SLC35D1: variants seen among roughly 807,000 people sequenced by gnomAD.
SLC35D1 encodes the protein solute carrier family 35 member D1.
A neutral mutation model predicts 46.7 loss-of-function variants in SLC35D1; 31 were observed. That is an observed-to-expected ratio of 0.66 (90% CI 0.50 to 0.90). The LOEUF (loss-of-function observed/expected upper bound fraction) is 0.90, where lower values mean the gene tolerates loss of function less well. Ranked by LOEUF, SLC35D1 falls within the 40% of genes least tolerant of loss-of-function variation. The pLI, the probability that SLC35D1 is intolerant of heterozygous loss-of-function variation, is 0.00. For synonymous variants in SLC35D1, 195 were observed against 164.6 expected (o/e 1.18, Z -1.41); for missense variants, 397 against 426.2 (o/e 0.93, Z 0.60).
At chr1:67,038,341 T>G (rs1316227837) in intron 8 of SLC35D1, among the ~76,000 whole-genome samples, 1 of 152,192 alleles carries the variant, frequency 6.6e-6, no homozygotes, top group African/African-American at 2.4e-5. Context: ...GGCAGACAAT[T>G]TGTGCAGCAA....
the SLC35D1 span, chr1:66,988,130 T>TA: frequency 1.6e-5 from 2 of 128,306 alleles, no homozygotes; most frequent in Non-Finnish European, 3.6e-5. Flanking sequence ...TGTAACTAAA[T>TA]ACCAAATCAG....
At chr1:67,007,102 A>T (rs1304213523) in intron 11 of SLC35D1, among the ~76,000 whole-genome samples, 1 of 152,182 alleles carries the variant, frequency 6.6e-6, no homozygotes, top group Admixed American at 6.5e-5. Context: ...CAGCCCTGAC[A>T]CTCAGAACCA....
chr1:66,978,745 ACC>A, the SLC35D1 span, among the ~76,000 whole-genome samples: 1 of 152,182 alleles, frequency 6.6e-6, no homozygotes, highest in African/African-American at 2.4e-5. Flanking sequence ...GCTGGGTCAG[ACC>A]CATGGTTCAT....
chr1:66,990,783 C>A, the SLC35D1 span, among the ~76,000 whole-genome samples: 2 of 151,972 alleles, frequency 1.3e-5, no homozygotes. Flanking sequence ...GTGGCCAGAC[C>A]CCCTTATTAA....
intron 7 of SLC35D1, among the ~76,000 whole-genome samples, chr1:67,046,654 T>C (rs151127708): frequency 1.3e-5 from 2 of 152,328 alleles, no homozygotes; most frequent in South Asian, 2.1e-4. Context: ...TGTAATCTCA[T>C]AACGTAATGT....
the SLC35D1 span, among the ~76,000 whole-genome samples, chr1:66,981,467 CTTCAG>C: frequency 2.6e-5 from 4 of 152,156 alleles, no homozygotes; most frequent in Non-Finnish European, 1.5e-5. Flanking sequence ...ACCCCTATCA[CTTCAG>C]TTAAGAGATC....
intron 10 of SLC35D1, among the ~76,000 whole-genome samples, chr1:67,013,171 C>CATATGTATATATATATATATATATA (rs1484938863): frequency 1.7e-3 from 10 of 5,856 alleles, no homozygotes; most frequent in African/African-American, 6.5e-3. Context: ...TATATATATC[C>CATATGTATATATATATATATATATA]TGTTCTTAAA....
At chr1:67,021,405 A>G in intron 9 of SLC35D1, 130 bp downstream of exon 9, 1 of 955,492 alleles carries the variant, frequency 1.0e-6, no homozygotes, top group Non-Finnish European at 1.7e-6. Context: ...AAACCACCTG[A>G]ATCTGGAGGC....
At chr1:66,998,758 G>A (rs545936470), downstream of SLC35D1, among the ~76,000 whole-genome samples, 3 of 152,270 alleles carry the variant, frequency 2.0e-5, no homozygotes, top group South Asian at 2.1e-4. Context: ...AATATGGTAC[G>A]ATTCCACTTA....
At chr1:66,996,962 C>G (rs1299321866), downstream of SLC35D1, among the ~76,000 whole-genome samples, 1 of 152,136 alleles carries the variant, frequency 6.6e-6, no homozygotes, top group Non-Finnish European at 1.5e-5. Flanking sequence ...AAGTTGGACC[C>G]TTACTTTACA....
intron 11 of SLC35D1, 146 bp downstream of exon 11, chr1:67,008,939 G>A: frequency 2.1e-6 from 1 of 486,748 alleles, no homozygotes; most frequent in South Asian, 2.3e-5. Context: ...ATTATGTAGA[G>A]ACATTAAATA....
the SLC35D1 span, chr1:66,985,756 T>C: frequency 1.0e-6 from 1 of 967,370 alleles, no homozygotes; most frequent in Non-Finnish European, 1.2e-6. Flanking sequence ...AGTGTTTGTG[T>C]AGTAATTAAG....
At chr1:67,008,432 T>A (rs1047014830) in intron 11 of SLC35D1, 6 of 1,288,362 alleles carry the variant, frequency 4.7e-6, no homozygotes, top group Non-Finnish European at 6.1e-6. Flanking sequence ...CACAGAGACC[T>A]CTGTGGCAGA....
the SLC35D1 span, among the ~76,000 whole-genome samples, chr1:66,990,086 T>C: frequency 1.4e-4 from 22 of 152,340 alleles, no homozygotes; most frequent in Admixed American, 1.4e-3. Context: ...TCTAAGCACA[T>C]ATTTGTACAT....
chr1:67,016,016 G>T lies in SLC35D1; in HGVS notation c.876+4353C>A, dbSNP rs183398618. On this transcript the variant is annotated intron_variant, in intron 10 of 11. Coordinates refer to ENST00000235345, the MANE Select transcript of SLC35D1 (RefSeq NM_015139.3). ...TCAAACTAACTTTTTAGATAATAGG[G>T]CCCCTAGAAGTCTAAGAGAAACATA... 3.6e-3 allele frequency among the ~76,000 whole-genome samples: 540 copies of T among 151,648 alleles called. 3 individuals carry two copies. The highest frequency in any genetic ancestry group is 0.012 in the African/African-American group (516 of 41,352).
intron 11 of SLC35D1, 124 bp from the exon 12 acceptor site, chr1:67,004,572 T>G: frequency 1.3e-6 from 1 of 763,924 alleles, no homozygotes; most frequent in Non-Finnish European, 2.3e-6. Flanking sequence ...GTGGGGAAAT[T>G]CATACAATGA....
intron 8 of SLC35D1, among the ~76,000 whole-genome samples, chr1:67,037,733 G>A (rs1183414542): frequency 1.3e-5 from 2 of 152,096 alleles, no homozygotes; most frequent in Non-Finnish European, 2.9e-5. Context: ...TTAGTGTTTT[G>A]ACACATCTCT....
In SLC35D1 at chr1:67,001,403, G is replaced by A. The variant is rs1027890322; in HGVS notation, c.*2937C>T. The A allele has an allele frequency of 6.6e-6, 1 of 152,306 alleles. No individual in the cohort carries two copies. The highest frequency in any genetic ancestry group is 1.5e-5 in the Non-Finnish European group (1 of 68,044). The allele number at this position is 152,306 out of a possible 1,614,324, so 9.4% of individuals were successfully genotyped here. A position where few individuals can be genotyped will look rare whatever the true frequency, so the allele number is the denominator to read the frequency against. ...ACATGAGGCAATTAAAACTCAACGG[G>A]ACATGCTGGCAATGTGTAGCCTGGC... On this transcript the variant is annotated 3_prime_UTR_variant, in exon 12 of 12. Coordinates refer to ENST00000235345, the MANE Select transcript of SLC35D1 (RefSeq NM_015139.3).
chr1:66,986,671 C>A, the SLC35D1 span: 1 of 509,702 alleles, frequency 2.0e-6, no homozygotes, highest in Non-Finnish European at 3.5e-6. Context: ...TTGACTTCAT[C>A]TTAATGTACA....
Sources: allele counts gnomAD v4.1 joint callset (sites outside exome capture counted in the v4.1 genomes callset), GRCh38; gene constraint gnomAD v4.1.1; transcripts MANE v1.5; gene names NCBI Gene and HGNC (gene_info 2026-07-23, HGNC 2026-07-21).